The following RAB10 variants were observed in gnomAD, a reference collection of about 807,000 sequenced individuals.
The protein encoded by RAB10 is ras-related protein Rab-10.
A neutral mutation model predicts 25.7 loss-of-function variants in RAB10; 5 were observed. That is an observed-to-expected ratio of 0.19 (90% CI 0.10 to 0.41). The LOEUF (loss-of-function observed/expected upper bound fraction) is 0.41, where lower values mean the gene tolerates loss of function less well. Ranked by LOEUF, RAB10 falls within the 10% of genes least tolerant of loss-of-function variation. The pLI, the probability that RAB10 is intolerant of heterozygous loss-of-function variation, is 1.00. For synonymous variants in RAB10, 89 were observed against 86.4 expected (o/e 1.03, Z -0.16); for missense variants, 103 against 245.8 (o/e 0.42, Z 3.89).
intron 1 of RAB10, among the ~76,000 whole-genome samples, chr2:26,065,032 A>T (rs1375956109): frequency 6.6e-6 from 1 of 152,188 alleles, no homozygotes; most frequent in Non-Finnish European, 1.5e-5. Flanking sequence ...CAGGCTCTGT[A>T]GCCTGGGTGA....
At chr2:26,093,037 TA>T (rs1246789892) in intron 1 of RAB10, among the ~76,000 whole-genome samples, 4 of 152,084 alleles carry the variant, frequency 2.6e-5, no homozygotes, top group African/African-American at 4.8e-5. Flanking sequence ...TTTGAAGGGA[TA>T]GGGGCATTAT....
chr2:26,087,322 T>C (rs1194798473), intron 1 of RAB10, among the ~76,000 whole-genome samples: 4 of 152,202 alleles, frequency 2.6e-5, no homozygotes, highest in Non-Finnish European at 5.9e-5. Context: ...TGAGACAGTA[T>C]ATGTGAAATG....
At chr2:26,063,755 A>G (rs1260621990) in intron 1 of RAB10, among the ~76,000 whole-genome samples, 1 of 152,034 alleles carries the variant, frequency 6.6e-6, no homozygotes, top group Non-Finnish European at 1.5e-5. Context: ...TTACATTGAC[A>G]TTTTTCGATG....
At chr2:26,106,609 G>A (rs1667467228) in intron 2 of RAB10, among the ~76,000 whole-genome samples, 1 of 152,202 alleles carries the variant, frequency 6.6e-6, no homozygotes, top group African/African-American at 2.4e-5. Flanking sequence ...AAGGTGGCCG[G>A]GCACGGTGGC....
intron 1 of RAB10, among the ~76,000 whole-genome samples, chr2:26,089,431 A>G (rs1344889776): frequency 6.6e-6 from 1 of 152,078 alleles, no homozygotes; most frequent in Non-Finnish European, 1.5e-5. Context: ...TCAAAAAAAA[A>G]AAAAAAAGAG....
At chr2:26,121,252 C>G (rs888903137) in intron 3 of RAB10, among the ~76,000 whole-genome samples, 21 of 152,124 alleles carry the variant, frequency 1.4e-4, no homozygotes, top group Non-Finnish European at 1.5e-5. Flanking sequence ...CTAAGGGTAT[C>G]GTCCTTGCAA....
In RAB10 at chr2:26,034,546, C is replaced by T. The variant is rs1665720625; in HGVS notation, c.-63C>T. 2.5e-6 allele frequency: 4 copies of T among 1,604,240 alleles called. No homozygotes were observed. The highest frequency in any genetic ancestry group is 1.3e-5 in the African/African-American group (1 of 74,612). On this transcript the variant is annotated 5_prime_UTR_variant, in exon 1 of 6. Transcript: ENST00000264710. ...TGAGAACGCCCGAGTGAGGAGTTGGCCGTAGTGAGAGGGACCGATCCCTTG... is the reference window on the plus strand; with the variant it reads ...TGAGAACGCCCGAGTGAGGAGTTGGTCGTAGTGAGAGGGACCGATCCCTTG...
At chr2:26,055,761 G>C (rs1005174688) in intron 1 of RAB10, among the ~76,000 whole-genome samples, 3 of 151,876 alleles carry the variant, frequency 2.0e-5, no homozygotes, top group African/African-American at 7.3e-5. Context: ...CTGGCCTCAA[G>C]TGATCCACCT....
rs1430595335 is a variant in RAB10 at position 26,102,689 on chromosome 2, C to T, written c.188+3967C>T. ...TCCTGACCTTGTGATCCGCCCACCTCGGCCTCCCAAAGTGCTAGGATTACA... is the reference window on the plus strand; with the variant it reads ...TCCTGACCTTGTGATCCGCCCACCTTGGCCTCCCAAAGTGCTAGGATTACA... On this transcript the variant is annotated intron_variant, in intron 2 of 5. Transcript: ENST00000264710. 5.3e-5 allele frequency among the ~76,000 whole-genome samples: 8 copies of T among 152,122 alleles called. No individual in the cohort carries two copies. In the East Asian group the frequency reaches 1.2e-3, roughly 22 times the overall value.
At chr2:26,078,158 A>G (rs1666780073) in intron 1 of RAB10, among the ~76,000 whole-genome samples, 1 of 152,170 alleles carries the variant, frequency 6.6e-6, no homozygotes, top group Non-Finnish European at 1.5e-5. Flanking sequence ...ACTAGAAAGC[A>G]TTGTTGAAGG....
At chr2:26,077,711 G>A (rs1186587976) in intron 1 of RAB10, among the ~76,000 whole-genome samples, 1 of 152,192 alleles carries the variant, frequency 6.6e-6, no homozygotes, top group African/African-American at 2.4e-5. Flanking sequence ...TGGGCACAGT[G>A]GCTCAGGCCT....
chr2:26,037,172 C>G (rs1248206201), intron 1 of RAB10, among the ~76,000 whole-genome samples: 1 of 152,116 alleles, frequency 6.6e-6, no homozygotes, highest in East Asian at 1.9e-4. Flanking sequence ...GGTGCATGCC[C>G]CCAACTAAAA....
At chr2:26,090,486 A>G (rs1055618512) in intron 1 of RAB10, among the ~76,000 whole-genome samples, 3 of 117,328 alleles carry the variant, frequency 2.6e-5, no homozygotes, top group Non-Finnish European at 5.3e-5. Context: ...AGATTCTTTT[A>G]GTTCTGTTTT....
intron 2 of RAB10, among the ~76,000 whole-genome samples, chr2:26,108,221 G>C (rs185817551): frequency 6.6e-6 from 1 of 152,266 alleles, no homozygotes; most frequent in Admixed American, 6.5e-5. Flanking sequence ...TTCGAACTTT[G>C]TTATAGCCAA....
At chr2:26,096,434 A>C (rs78094699) in intron 1 of RAB10, among the ~76,000 whole-genome samples, 955 of 9,568 alleles carry the variant, frequency 0.1, 6 homozygotes, top group African/African-American at 0.2. Flanking sequence ...GGCTGGCTGG[A>C]TGGATGGATG....
intron 1 of RAB10, among the ~76,000 whole-genome samples, chr2:26,072,851 G>T (rs1344460983): frequency 6.6e-6 from 1 of 152,176 alleles, no homozygotes; most frequent in Non-Finnish European, 1.5e-5. Context: ...ACATGGATTG[G>T]ATTTATTTTA....
chr2:26,107,797 A>AAAAAAAAAACCCCTC (rs1389872485), intron 2 of RAB10, among the ~76,000 whole-genome samples: 1 of 146,916 alleles, frequency 6.8e-6, no homozygotes, highest in African/African-American at 2.5e-5. Context: ...ACTCTATCTC[A>AAAAAAAAAACCCCTC]AAAAAAAAAC....
At chr2:26,095,652 C>T (rs919151821) in intron 1 of RAB10, among the ~76,000 whole-genome samples, 5 of 151,820 alleles carry the variant, frequency 3.3e-5, no homozygotes, top group Non-Finnish European at 5.9e-5. Context: ...GGCTCACGCC[C>T]GTAATCCTGA....
Position 26,034,473 on chromosome 2 carries a change from C to T in RAB10, c.-136C>T. The T allele has an allele frequency of 1.6e-6, 2 of 1,220,640 alleles. No individual in the cohort carries two copies. The highest frequency in any genetic ancestry group is 2.3e-6 in the Non-Finnish European group (2 of 887,212). The allele number at this position is 1,220,640 out of a possible 1,614,324, so 75.6% of individuals were successfully genotyped here. On this transcript the variant is annotated 5_prime_UTR_variant, in exon 1 of 6. Coordinates refer to ENST00000264710, the MANE Select transcript of RAB10 (RefSeq NM_016131.5). ...CTTCCTCAAAGCTGTTCGTAGGTCGCCCGCGCCGTCTCGAGCCTTTTTCCC... is the reference window on the plus strand; with the variant it reads ...CTTCCTCAAAGCTGTTCGTAGGTCGTCCGCGCCGTCTCGAGCCTTTTTCCC...
Sources: gnomAD v4.1 joint callset for allele counts (sites outside exome capture counted in the v4.1 genomes callset) on GRCh38, gnomAD v4.1.1 for gene constraint, MANE v1.5 for transcripts, NCBI Gene and HGNC (gene_info 2026-07-23, HGNC 2026-07-21) for gene names.